Variants in CACNA1B observed in about 807,000 individuals in gnomAD.
CACNA1B encodes the protein voltage-dependent N-type calcium channel subunit alpha-1B.
A neutral mutation model predicts 247.2 loss-of-function variants in CACNA1B; 70 were observed. The ratio of observed to expected loss-of-function variants is 0.28; its 90% CI spans 0.23 to 0.35. The LOEUF (loss-of-function observed/expected upper bound fraction) is 0.35. CACNA1B is among the 10% of genes least tolerant of loss of function. The pLI is 1.00. For synonymous variants in CACNA1B, 1,231 were observed against 1,294.4 expected, an observed-to-expected ratio of 0.95 and a Z score of 1.05; for missense variants, 2,367 against 3,197.4, an observed-to-expected ratio of 0.74 and a Z score of 6.26.
Position 138,046,589 on chromosome 9 carries a change from A to T in CACNA1B, c.3414-315A>T, listed in dbSNP as rs1015335985. Among the ~76,000 whole-genome samples the T allele has an allele frequency of 6.6e-5, 10 of 152,128 alleles. No individual in the cohort carries two copies. The East Asian group carries it at 1.9e-3, about 29-fold the overall frequency. On this transcript the variant is annotated intron_variant, in intron 21 of 46. Transcript: ENST00000371372. ...GTTGGTAGTGAATGGATGTAGCTGT[A>T]CTCCAGTGAAGTTTTATTCACACAA... is the stretch of plus-strand genomic sequence containing the variant.
rs1959416943 is a variant in CACNA1B at position 138,054,424 on chromosome 9, C to A, written c.3968+418C>A. Among the ~76,000 whole-genome samples, 2 of 152,214 alleles carry A rather than the reference C, an allele frequency of 1.3e-5. No homozygotes were observed. Among genetic ancestry groups the A allele is most frequent in the South Asian group, 4.1e-4 (2 of 4,832 alleles). On this transcript the variant is annotated intron_variant, in intron 26 of 46. Transcript: ENST00000371372. This position sits in a 1 kb window ranked among gnomAD's most constrained non-coding sequence, Gnocchi z 4.6. ...ATGAGGCCTCAGAGCTTCCTGTGCC[C>A]AGCGCTGCCTCCAAAGTAGACAGGA...
rs550740035 is a variant in CACNA1B, at chr9:138,087,585, C to T, written c.5095-8899C>T. 5.1e-4 allele frequency among the ~76,000 whole-genome samples: 77 copies of T among 150,160 alleles called. 3 individuals carry two copies. Among genetic ancestry groups the T allele is most frequent in the African/African-American group, 1.6e-3 (67 of 41,048 alleles). On this transcript the variant is annotated intron_variant, in intron 36 of 46. Transcript: ENST00000371372. ...CAAAAATTAGCCGTGTGTGGTAGCA[C>T]GCGCCTGTAGTCCCAGCTACTTGGG... is the stretch of plus-strand genomic sequence containing the variant.
At position 138,057,820 on chromosome 9, in the gene CACNA1B, T is replaced by C; in HGVS notation, c.4057T>C (p.Trp1353Arg). Residue 1353 changes from tryptophan (W) to arginine (R), a missense_variant, in exon 27 of 47, where the codon TGG (tryptophan) becomes CGG (arginine). By Grantham distance (101) the Trp-to-Arg change is moderately radical. This residue lies in a region of CACNA1B where 436 missense variants were observed against 679.5 expected (regional missense o/e 0.64). Transcript: ENST00000371372. The surrounding 1 kb of genome is among the most constrained non-coding windows in gnomAD (Gnocchi z 4.0). Reference protein sequence around the residue: ...KYDFHYDNVLWALLTLFTVST... With the variant: ...KYDFHYDNVLRALLTLFTVST... ...CGACTTTCACTACGACAATGTGCTC[T>C]GGGCTCTGCTGACGCTGTTCACAGT... 1 of 1,612,410 alleles carries C rather than the reference T, an allele frequency of 6.2e-7. No homozygotes were observed. The highest frequency in any genetic ancestry group is 8.5e-7 in the Non-Finnish European group (1 of 1,178,778).
chr9:137,975,184 C>A (rs1293245032), intron 11 of CACNA1B, among the ~76,000 whole-genome samples: 1 of 152,098 alleles, frequency 6.6e-6, no homozygotes, highest in East Asian at 1.9e-4. Context: ...GTACTGAGGC[C>A]CGGAAGGGTC....
chr9:137,964,122 A>G (rs916850339), intron 10 of CACNA1B, among the ~76,000 whole-genome samples: 3 of 152,066 alleles, frequency 2.0e-5, no homozygotes, highest in African/African-American at 4.8e-5. Context: ...TGCCCTTAAC[A>G]TTCTTTCCTT....
chr9:138,006,739 T>C, intron 15 of CACNA1B, 28 bp from the exon 16 acceptor site: 1 of 1,355,722 alleles, frequency 7.4e-7, no homozygotes, highest in Non-Finnish European at 1.1e-6. Flanking sequence ...CCATGGGGGC[T>C]TGCCCTGTGT....
rs983317106 is a variant in CACNA1B at position 138,059,792 on chromosome 9, C to A, written c.4668+55C>A. The stretch of plus-strand genomic sequence containing the variant: ...GTCCCCAGGTGGTTTCCTTCTAGAG[C>A]CTGCTCCCCTCAGTGCATCTCCAGG... On this transcript the variant is annotated intron_variant, in intron 31 of 46. Transcript: ENST00000371372. The surrounding 1 kb of genome is among the most constrained non-coding windows in gnomAD (Gnocchi z 4.2). 1.0e-6 allele frequency: 1 copy of A among 999,090 alleles called. No individual in the cohort carries two copies. Among genetic ancestry groups the A allele is most frequent in the Non-Finnish European group, 1.6e-6 (1 of 621,546 alleles). 61.9% of individuals were successfully genotyped at this position (999,090 alleles called of 1,614,324 possible).
At position 138,039,026 on chromosome 9, in the gene CACNA1B, A is replaced by G. The variant is rs1053942323; in HGVS notation, c.3287-4748A>G. 2.0e-4 allele frequency among the ~76,000 whole-genome samples: 30 copies of G among 148,994 alleles called. No individual in the cohort carries two copies. In the East Asian group the frequency reaches 3.9e-3, roughly 19 times the overall value. On this transcript the variant is annotated intron_variant, in intron 20 of 46. Transcript: ENST00000371372. ...ATGGCAAAACCCCGTCTCTGCTGGG[A>G]AAAAAAAAAGTGTATAAAAATTAGC...
At chr9:138,044,259 T>C (rs936711710) in intron 21 of CACNA1B, among the ~76,000 whole-genome samples, 5 of 152,262 alleles carry the variant, frequency 3.3e-5, no homozygotes, top group Non-Finnish European at 7.3e-5. Context: ...GTGTGTGCAC[T>C]GTGTTTATTT....
chr9:138,028,023 CTTTTTTTTTT>C (rs541594878), intron 20 of CACNA1B, among the ~76,000 whole-genome samples: 1 of 98,748 alleles, frequency 1.0e-5, no homozygotes, highest in Non-Finnish European at 2.0e-5. Context: ...CCCCCCCAAC[CTTTTTTTTTT>C]TTTTTTTTTT....
chr9:137,931,899 G>C (rs1252340444), intron 6 of CACNA1B, among the ~76,000 whole-genome samples: 5 of 152,128 alleles, frequency 3.3e-5, no homozygotes, highest in Admixed American at 1.3e-4. Flanking sequence ...AAGGAGCCAT[G>C]CACCTCAACT....
intron 36 of CACNA1B, among the ~76,000 whole-genome samples, chr9:138,092,619 C>T (rs773909251): frequency 6.6e-6 from 1 of 152,156 alleles, no homozygotes; most frequent in Non-Finnish European, 1.5e-5. Context: ...GACATACATC[C>T]TCAGCTTACG....
At chr9:137,897,104 G>A (rs971973481) in intron 3 of CACNA1B, among the ~76,000 whole-genome samples, 1 of 151,966 alleles carries the variant, frequency 6.6e-6, no homozygotes, top group Non-Finnish European at 1.5e-5. Context: ...CTCTCTGTTT[G>A]TATGGTTGAT....
chr9:138,004,666 G>A (rs1322174417), intron 15 of CACNA1B, among the ~76,000 whole-genome samples: 1 of 152,080 alleles, frequency 6.6e-6, no homozygotes, highest in African/African-American at 2.4e-5. Flanking sequence ...CACGTATGCA[G>A]TATTCTGTTT....
At chr9:137,926,512 T>C (rs1388839227) in intron 6 of CACNA1B, among the ~76,000 whole-genome samples, 1 of 152,266 alleles carries the variant, frequency 6.6e-6, no homozygotes, top group African/African-American at 2.4e-5. Context: ...AAATATCTCT[T>C]TGAGACCTTG....
chr9:138,093,356 T>A (rs1960941598), intron 36 of CACNA1B, among the ~76,000 whole-genome samples: 2 of 135,450 alleles, frequency 1.5e-5, no homozygotes. Context: ...AGATGGAAGT[T>A]GCAGTGAGCC....
intron 20 of CACNA1B, among the ~76,000 whole-genome samples, chr9:138,041,853 C>T (rs1959127489): frequency 6.6e-6 from 1 of 152,178 alleles, no homozygotes; most frequent in Admixed American, 6.5e-5. Flanking sequence ...CTCCTGACCT[C>T]AAGTGATCCT....
At chr9:138,101,294 A>G (rs1008465045) in intron 37 of CACNA1B, 1 of 464,994 alleles carries the variant, frequency 2.2e-6, no homozygotes. Context: ...ACGACGCCTC[A>G]CCTTTCTTTC....
intron 6 of CACNA1B, among the ~76,000 whole-genome samples, chr9:137,933,213 G>A (rs1463835473): frequency 6.6e-6 from 1 of 152,124 alleles, no homozygotes; most frequent in Non-Finnish European, 1.5e-5. Flanking sequence ...GATTACAGGT[G>A]TGAGTTTTTT....
Sources: allele counts gnomAD v4.1 joint callset (sites outside exome capture counted in the v4.1 genomes callset), GRCh38; gene constraint gnomAD v4.1.1; regional missense constraint gnomAD v4.1.1; non-coding constraint Gnocchi (gnomAD v3.1); transcripts MANE v1.5; gene names NCBI Gene and HGNC (gene_info 2026-07-23, HGNC 2026-07-21).